The following HIVEP2 variants were observed in gnomAD, a reference collection of about 807,000 sequenced individuals.
The protein encoded by HIVEP2 is HIVEP zinc finger 2, also known as transcription factor HIVEP2.
A neutral mutation model predicts 180.7 loss-of-function variants in HIVEP2; 14 were observed. The observed-to-expected ratio is 0.08, with a 90% CI of 0.05 to 0.12. The LOEUF (loss-of-function observed/expected upper bound fraction) is 0.12, where lower values mean the gene tolerates loss of function less well. HIVEP2 is among the 10% of genes least tolerant of loss of function. HIVEP2 has a pLI of 1.00. For missense variants in HIVEP2, 2,579 were observed against 3,008.5 expected, an observed-to-expected ratio of 0.86 and a Z score of 3.34; for synonymous variants, 1,184 against 1,136.4, an observed-to-expected ratio of 1.04 and a Z score of -0.84.
chr6:142,809,524 A>C (rs1776636845), intron 2 of HIVEP2, among the ~76,000 whole-genome samples: 1 of 152,188 alleles, frequency 6.6e-6, no homozygotes, highest in South Asian at 2.1e-4. Flanking sequence ...GGCTCTTAAT[A>C]AAGACTTCTT....
chr6:142,760,140 A>G lies in HIVEP2; in HGVS notation c.6148T>C (p.Tyr2050His), dbSNP rs1043671081. 3 of 1,614,050 alleles carry G rather than the reference A, an allele frequency of 1.9e-6. No homozygotes were observed. The highest frequency in any genetic ancestry group is 2.5e-6 in the Non-Finnish European group (3 of 1,180,040). ...TTATCTCGACAGGGTGAAGAATCAT[A>G]TCCTGGAGAGGAATGGTGGCTTGAG... ...SPSSHHSSPG[Y>H]DSSPCRDNSP... The change falls in exon 9 of 10, where the codon TAT becomes CAT. Residue 2050 changes from tyrosine to histidine, a missense_variant. Around this residue, in one of 11 missense-constraint regions of HIVEP2, gnomAD observed 660 missense variants for 731.7 expected, o/e 0.90. Transcript: ENST00000367603.
chr6:142,764,854 A>G lies in HIVEP2; in HGVS notation c.5463T>C (p.His1821=). The change falls in exon 7 of 10, where the codon CAT becomes CAC. Residue 1821 remains histidine (H), a synonymous_variant. Coordinates refer to ENST00000367603, the MANE Select transcript of HIVEP2 (RefSeq NM_006734.4). Reference sequence around the variant, plus strand: ...TGCATACATAAGGCCGAACATCAGTATGGGTACGGATGTGTTTTTTGAGCA... The same window carrying G: ...TGCATACATAAGGCCGAACATCAGTGTGGGTACGGATGTGTTTTTTGAGCA... ...PSMLKKHIRT[H]TDVRPYVCKL... is the part of the protein sequence containing the mutation. The G allele has an allele frequency of 1.2e-6, 2 of 1,613,946 alleles. No homozygotes were observed. The highest frequency in any genetic ancestry group is 1.1e-5 in the South Asian group (1 of 91,024).
chr6:142,784,873 A>T (rs1156744847), intron 2 of HIVEP2, among the ~76,000 whole-genome samples: 4 of 152,136 alleles, frequency 2.6e-5, no homozygotes, highest in African/African-American at 4.8e-5. Context: ...TAAGATAATT[A>T]ACTATATCTC....
intron 2 of HIVEP2, among the ~76,000 whole-genome samples, chr6:142,815,092 T>C (rs1333370725): frequency 6.6e-6 from 1 of 152,150 alleles, no homozygotes. Flanking sequence ...TATAAGGAGC[T>C]CACTCCCAAG....
At chr6:142,764,674 C>G (rs1171353784) in intron 7 of HIVEP2, 125 bp downstream of exon 7, 1 of 749,608 alleles carries the variant, frequency 1.3e-6, no homozygotes, top group Non-Finnish European at 2.2e-6. Flanking sequence ...AAATATATTT[C>G]GTGGAATCAT....
chr6:142,875,854 T>A, intron 1 of HIVEP2, among the ~76,000 whole-genome samples: 1 of 152,124 alleles, frequency 6.6e-6, no homozygotes, highest in East Asian at 1.9e-4. Context: ...AGTGCATGGA[T>A]TTAGGAGGAA....
At chr6:142,824,925 A>G (rs1484460407) in intron 2 of HIVEP2, among the ~76,000 whole-genome samples, 2 of 152,212 alleles carry the variant, frequency 1.3e-5, no homozygotes, top group Non-Finnish European at 2.9e-5. Context: ...ACCCGACACT[A>G]AAATTCAGGT....
intron 6 of HIVEP2, among the ~76,000 whole-genome samples, chr6:142,766,674 G>C (rs1775386690): frequency 6.6e-6 from 1 of 152,074 alleles, no homozygotes; most frequent in African/African-American, 2.4e-5. Flanking sequence ...GTAAAATTCT[G>C]TATAAAATAT....
intron 1 of HIVEP2, among the ~76,000 whole-genome samples, chr6:142,942,804 G>T (rs1778212452): frequency 6.6e-6 from 1 of 152,016 alleles, no homozygotes; most frequent in Admixed American, 6.5e-5. Flanking sequence ...ATAAATATAA[G>T]CCATCTCTAA....
chr6:142,886,532 A>G (rs1477156765), intron 1 of HIVEP2, among the ~76,000 whole-genome samples: 1 of 152,212 alleles, frequency 6.6e-6, no homozygotes, highest in Non-Finnish European at 1.5e-5. Context: ...ATGTGCTGAC[A>G]CAATGAACAA....
chr6:142,768,325 G>C, intron 6 of HIVEP2, 57 bp downstream of exon 6: 2 of 1,496,420 alleles, frequency 1.3e-6, no homozygotes, highest in Non-Finnish European at 9.1e-7. Context: ...CAGACATTCT[G>C]GACCATTTAC....
chr6:142,891,809 GT>G (rs1422441418), intron 1 of HIVEP2, among the ~76,000 whole-genome samples: 4 of 152,198 alleles, frequency 2.6e-5, no homozygotes, highest in Non-Finnish European at 5.9e-5. Context: ...GTCCTTGCTG[GT>G]TCTTTGTCCT....
intron 2 of HIVEP2, among the ~76,000 whole-genome samples, chr6:142,795,546 G>A (rs567757146): frequency 1.3e-5 from 2 of 152,202 alleles, no homozygotes; most frequent in African/African-American, 4.8e-5. Flanking sequence ...CCTTAGATAA[G>A]GTGCCAGAAC....
At chr6:142,905,870 G>A (rs1461955224) in intron 1 of HIVEP2, among the ~76,000 whole-genome samples, 3 of 152,188 alleles carry the variant, frequency 2.0e-5, no homozygotes, top group African/African-American at 7.2e-5. Flanking sequence ...GGTGGCTCAC[G>A]CCTATAATCC....
intron 1 of HIVEP2, among the ~76,000 whole-genome samples, chr6:142,873,336 G>A (rs980512049): frequency 6.6e-6 from 1 of 152,090 alleles, no homozygotes; most frequent in African/African-American, 2.4e-5. Flanking sequence ...TTTCCCAAAA[G>A]AAGTGGATAC....
chr6:142,829,642 A>G (rs2114857426), intron 2 of HIVEP2, among the ~76,000 whole-genome samples: 2 of 152,380 alleles, frequency 1.3e-5, no homozygotes, highest in South Asian at 4.1e-4. Flanking sequence ...CCACAGCACC[A>G]AAACACTACA....
chr6:142,880,940 G>A (rs1016241295), intron 1 of HIVEP2, among the ~76,000 whole-genome samples: 2 of 152,130 alleles, frequency 1.3e-5, no homozygotes, highest in African/African-American at 4.8e-5. Flanking sequence ...TCAGACGTAA[G>A]GCATCTTTAA....
intron 1 of HIVEP2, among the ~76,000 whole-genome samples, chr6:142,926,878 G>T (rs7772306): frequency 1.9e-4 from 29 of 151,992 alleles, no homozygotes; most frequent in Non-Finnish European, 2.5e-4. Flanking sequence ...CGGCAGGAAG[G>T]GGGGAGGCCG....
At chr6:142,880,256 A>G (rs753766047) in intron 1 of HIVEP2, among the ~76,000 whole-genome samples, 39 of 152,166 alleles carry the variant, frequency 2.6e-4, no homozygotes, top group Non-Finnish European at 5.0e-4. Context: ...AAGACATTTC[A>G]GATATTCACC....
Sources: gnomAD v4.1 joint callset for allele counts (sites outside exome capture counted in the v4.1 genomes callset) on GRCh38, gnomAD v4.1.1 for gene constraint, gnomAD v4.1.1 regional missense constraint, MANE v1.5 for transcripts, NCBI Gene and HGNC (gene_info 2026-07-23, HGNC 2026-07-21) for gene names.